The following TDRD3 variants were observed in gnomAD, a reference collection of about 807,000 sequenced individuals.
The protein encoded by TDRD3 is tudor domain containing 3, also known as tudor domain-containing protein 3.
A neutral mutation model predicts 86.7 loss-of-function variants in TDRD3; 45 were observed. That is an observed-to-expected ratio of 0.52 (90% CI 0.41 to 0.67). The LOEUF (loss-of-function observed/expected upper bound fraction) is 0.67. Among genes scored for constraint, TDRD3 ranks in the 30% least tolerant of loss-of-function variants. The pLI, the probability that TDRD3 is intolerant of heterozygous loss-of-function variation, is 0.00. For synonymous variants in TDRD3, 298 were observed against 301.7 expected (o/e 0.99, Z 0.13); for missense variants, 814 against 889.0 (o/e 0.92, Z 1.07).
intron 1 of TDRD3, among the ~76,000 whole-genome samples, chr13:60,408,023 C>T (rs891026432): frequency 1.8e-4 from 27 of 152,248 alleles, no homozygotes; most frequent in African/African-American, 5.8e-4. Context: ...TTTCTCTTGC[C>T]GCCGCCATGT....
chr13:60,424,440 G>A (rs1954747374), intron 1 of TDRD3, among the ~76,000 whole-genome samples: 1 of 152,082 alleles, frequency 6.6e-6, no homozygotes, highest in African/African-American at 2.4e-5. Context: ...CACTTTGGGA[G>A]GCTGAGGTTG....
intron 3 of TDRD3, among the ~76,000 whole-genome samples, chr13:60,446,979 C>T (rs941183964): frequency 1.3e-5 from 2 of 152,100 alleles, no homozygotes; most frequent in Non-Finnish European, 2.9e-5. Context: ...TGAATCTGTG[C>T]ATAAGATACA....
At chr13:60,512,125 G>A (rs1957072656) in intron 10 of TDRD3, among the ~76,000 whole-genome samples, 1 of 152,146 alleles carries the variant, frequency 6.6e-6, no homozygotes, top group South Asian at 2.1e-4. Flanking sequence ...GGCTGGGGAA[G>A]CCTCACAATC....
intron 10 of TDRD3, among the ~76,000 whole-genome samples, chr13:60,513,578 A>G (rs567007447): frequency 5.9e-5 from 9 of 152,278 alleles, no homozygotes; most frequent in Non-Finnish European, 4.4e-5. Flanking sequence ...TCCCCACCCA[A>G]ATCTCATCTT....
At chr13:60,568,867 A>G (rs1037878270) in intron 13 of TDRD3, among the ~76,000 whole-genome samples, 3 of 152,222 alleles carry the variant, frequency 2.0e-5, no homozygotes, top group Admixed American at 6.5e-5. Context: ...CAAAAAAACT[A>G]TTAAAACTGA....
intron 11 of TDRD3, among the ~76,000 whole-genome samples, chr13:60,530,163 G>T (rs999430658): frequency 1.2e-4 from 19 of 152,206 alleles, no homozygotes; most frequent in Admixed American, 1.1e-3. Flanking sequence ...TCTTGAATTG[G>T]TATCTTTTTG....
At chr13:60,553,673 G>A (rs2137913644) in intron 12 of TDRD3, among the ~76,000 whole-genome samples, 1 of 152,208 alleles carries the variant, frequency 6.6e-6, no homozygotes, top group South Asian at 2.1e-4. Context: ...CAAGGTTGCA[G>A]TAGAGAGGGC....
rs376038543 is a variant in TDRD3 at position 60,529,177 on chromosome 13, C to G, written c.1952C>G (p.Pro651Arg). The change falls in exon 11 of 14, where the codon CCT becomes CGT. Residue 651 changes from proline to arginine, a missense_variant. Physicochemically the swap from Pro to Arg is moderately radical, Grantham distance 103. Coordinates refer to ENST00000377881, the MANE Select transcript of TDRD3 (RefSeq NM_001146070.2). ...ATGGAGTATGCAAAAATGTGGAAACCTGGAGATGAATGTTTTGCACTTTAT... is the reference window on the plus strand; with the variant it reads ...ATGGAGTATGCAAAAATGTGGAAACGTGGAGATGAATGTTTTGCACTTTAT... ...IPMEYAKMWK[P>R]GDECFALYWE... The G allele has an allele frequency of 2.9e-5, 46 of 1,608,226 alleles. 1 individual carries two copies. In the East Asian group the frequency reaches 4.0e-4, roughly 14 times the overall value.
intron 8 of TDRD3, among the ~76,000 whole-genome samples, chr13:60,507,696 GA>G (rs746258381): frequency 2.0e-5 from 3 of 152,096 alleles, no homozygotes; most frequent in Non-Finnish European, 2.9e-5. Flanking sequence ...GCAATTTGTA[GA>G]GGGAAAGACT....
intron 5 of TDRD3, among the ~76,000 whole-genome samples, chr13:60,475,344 T>C (rs1161624824): frequency 2.0e-5 from 3 of 152,180 alleles, no homozygotes; most frequent in African/African-American, 7.2e-5. Context: ...GAACATATGG[T>C]ATTTGGTTTT....
chr13:60,534,973 A>G (rs561138603), intron 11 of TDRD3, 135 bp from the exon 12 acceptor site: 1 of 1,001,264 alleles, frequency 1.0e-6, no homozygotes, highest in East Asian at 2.7e-5. Flanking sequence ...ATGTGACTCA[A>G]AAGGGTTCCA....
At chr13:60,501,750 C>T (rs1466152256) in intron 8 of TDRD3, among the ~76,000 whole-genome samples, 1 of 152,182 alleles carries the variant, frequency 6.6e-6, no homozygotes, top group Admixed American at 6.5e-5. Context: ...CAACTATTCT[C>T]TTTAGGACAA....
chr13:60,455,006 C>T (rs116177169), intron 3 of TDRD3, among the ~76,000 whole-genome samples: 8,201 of 152,116 alleles, frequency 0.054, 246 homozygotes, highest in Non-Finnish European at 0.064. Flanking sequence ...CTCTCCTTCC[C>T]GGATTTAAGC....
At chr13:60,572,986 G>C (rs955964118) in intron 13 of TDRD3, among the ~76,000 whole-genome samples, 2 of 152,106 alleles carry the variant, frequency 1.3e-5, no homozygotes, top group African/African-American at 2.4e-5. Flanking sequence ...CAAGACTTAC[G>C]AGCTGTTTGT....
intron 9 of TDRD3, 75 bp from the exon 10 acceptor site, chr13:60,510,555 T>C: frequency 7.8e-7 from 1 of 1,289,876 alleles, no homozygotes; most frequent in South Asian, 2.3e-5. Flanking sequence ...AAAATTATTG[T>C]TGGTTATATA....
chr13:60,473,622 C>A (rs976292138), intron 5 of TDRD3, among the ~76,000 whole-genome samples: 4 of 152,108 alleles, frequency 2.6e-5, no homozygotes, highest in African/African-American at 7.2e-5. Flanking sequence ...ACTCTTTATT[C>A]CAATATTATA....
At chr13:60,521,054 C>T (rs1227422272) in intron 10 of TDRD3, among the ~76,000 whole-genome samples, 2 of 152,208 alleles carry the variant, frequency 1.3e-5, no homozygotes, top group Non-Finnish European at 2.9e-5. Flanking sequence ...TGGTCTCAAG[C>T]TCAGTGTTCT....
At chr13:60,561,859 GTT>G (rs574472725) in intron 12 of TDRD3, among the ~76,000 whole-genome samples, 23,816 of 146,812 alleles carry the variant, frequency 0.16, 2,092 homozygotes, top group African/African-American at 0.24. Flanking sequence ...ATGGGCCCAG[GTT>G]TTTTGTTGTT....
At chr13:60,467,656 T>A (rs1379665873) in intron 5 of TDRD3, among the ~76,000 whole-genome samples, 1 of 152,198 alleles carries the variant, frequency 6.6e-6, no homozygotes, top group African/African-American at 2.4e-5. Flanking sequence ...TATGTACAAT[T>A]TATTTGTGTA....
Sources: gnomAD v4.1 joint callset for allele counts (sites outside exome capture counted in the v4.1 genomes callset) on GRCh38, gnomAD v4.1.1 for gene constraint, MANE v1.5 for transcripts, NCBI Gene and HGNC (gene_info 2026-07-23, HGNC 2026-07-21) for gene names.